Variants in VPS18 observed in about 807,000 individuals in gnomAD.
VPS18 encodes the protein vacuolar protein sorting-associated protein 18 homolog.
VPS18 carries 25 observed loss-of-function variants against 82.0 expected under a neutral mutation model. The ratio of observed to expected loss-of-function variants is 0.30; its 90% CI spans 0.22 to 0.43. The LOEUF is 0.43. Among genes scored for constraint, VPS18 ranks in the 20% least tolerant of loss-of-function variants. VPS18 has a pLI of 1.00. For synonymous variants in VPS18, 523 were observed against 543.0 expected, an observed-to-expected ratio of 0.96 and a Z score of 0.51; for missense variants, 1,168 against 1,311.1, an observed-to-expected ratio of 0.89 and a Z score of 1.69.
At position 40,903,570 on chromosome 15, in the gene VPS18, T is replaced by A; in HGVS notation, c.*229T>A. On this transcript the variant is annotated 3_prime_UTR_variant, in exon 5 of 5. Transcript: ENST00000220509. Reference sequence around the variant, plus strand: ...AGTTATGCCAGACCATCAGCCTGCCTCCCAGTAGAGGCCCTTCACCTGGAG... The same window carrying A: ...AGTTATGCCAGACCATCAGCCTGCCACCCAGTAGAGGCCCTTCACCTGGAG... 1 of 531,170 alleles carries A rather than the reference T, an allele frequency of 1.9e-6. No individual in the cohort carries two copies. Among genetic ancestry groups the A allele is most frequent in the Non-Finnish European group, 3.0e-6 (1 of 332,854 alleles). The allele number at this position is 531,170 out of a possible 1,614,324, so 32.9% of individuals were successfully genotyped here.
rs1892322960 is a variant in VPS18 at position 40,900,165 on chromosome 15, C to A, written c.1347C>A (p.Thr449=). ...YLESARCYAL[T]QSYFEEIALK... is the part of the protein sequence containing the mutation. ...AGAGCGCACGCTGCTATGCCCTGACCCAGAGCTACTTTGAGGAGATTGCCC... is the reference window on the plus strand; with the variant it reads ...AGAGCGCACGCTGCTATGCCCTGACACAGAGCTACTTTGAGGAGATTGCCC... Residue 449 remains threonine, a synonymous_variant, in exon 4 of 5, where the codon ACC becomes ACA. Transcript: ENST00000220509. This position sits in a 1 kb window ranked among gnomAD's most constrained non-coding sequence, Gnocchi z 5.4. 3 of 1,613,852 alleles carry A rather than the reference C, an allele frequency of 1.9e-6. No individual in the cohort carries two copies. The East Asian group carries it at 6.7e-5, about 36-fold the overall frequency.
chr15:40,902,880 C>G lies in VPS18; in HGVS notation c.2461C>G (p.Arg821Gly), dbSNP rs746735328. 6.2e-7 allele frequency: 1 copy of G among 1,614,136 alleles called. No individual in the cohort carries two copies. Among genetic ancestry groups the G allele is most frequent in the Non-Finnish European group, 8.5e-7 (1 of 1,180,058 alleles). ...CAACCACCACATCCAGGAGCTGCAG[C>G]GGGAGATGGAAGAGGCTACAGCCAG... ...AYNHHIQELQ[R>G]EMEEATASAQ... Residue 821 changes from arginine (R) to glycine (G), a missense_variant, in exon 5 of 5, where the codon CGG (arginine) becomes GGG (glycine). By Grantham distance (125) the Arg-to-Gly change is moderately radical. Coordinates refer to ENST00000220509, the MANE Select transcript of VPS18 (RefSeq NM_020857.3). The surrounding 1 kb of genome is among the most constrained non-coding windows in gnomAD (Gnocchi z 4.2).
rs756968715 is a variant in VPS18 at position 40,899,747 on chromosome 15, G to T, written c.929G>T (p.Arg310Leu). The T allele has an allele frequency of 6.2e-7, 1 of 1,613,676 alleles. No individual in the cohort carries two copies. ...CCTGACTCTCTGCTGAGCGAGGAGCGAGTCTGGGAGTACCCAGAGGGGGTA... is the reference window on the plus strand; with the variant it reads ...CCTGACTCTCTGCTGAGCGAGGAGCTAGTCTGGGAGTACCCAGAGGGGGTA... ...GRPDSLLSEE[R>L]VWEYPEGVGP... The change falls in exon 4 of 5, where the codon CGA becomes CTA. Residue 310 changes from arginine (R) to leucine (L), a missense_variant. Transcript: ENST00000220509. The surrounding 1 kb of genome is among the most constrained non-coding windows in gnomAD (Gnocchi z 4.4).
chr15:40,899,705 C>T lies in VPS18; in HGVS notation c.887C>T (p.Ala296Val). The stretch of plus-strand genomic sequence containing the variant: ...ATGGGGGATGGTGTGTTGTATGGGG[C>T]ATTGGACTGTGGGCGCCCTGACTCT... Reference protein sequence around the residue: ...WMMGDGVLYGALDCGRPDSLL... With the variant: ...WMMGDGVLYGVLDCGRPDSLL... The change falls in exon 4 of 5, where the codon GCA becomes GTA. Residue 296 changes from alanine (A) to valine (V), a missense_variant. Coordinates refer to ENST00000220509, the MANE Select transcript of VPS18 (RefSeq NM_020857.3). The surrounding 1 kb of genome is among the most constrained non-coding windows in gnomAD (Gnocchi z 4.4). 6.2e-7 allele frequency: 1 copy of T among 1,613,974 alleles called. No homozygotes were observed. Among genetic ancestry groups the T allele is most frequent in the Non-Finnish European group, 8.5e-7 (1 of 1,180,032 alleles).
chr15:40,900,488 T>C lies in VPS18; in HGVS notation c.1670T>C (p.Val557Ala), dbSNP rs201884171. 6.2e-7 allele frequency: 1 copy of C among 1,614,060 alleles called. No homozygotes were observed. Among genetic ancestry groups the C allele is most frequent in the East Asian group, 2.2e-5 (1 of 44,870 alleles). The change falls in exon 4 of 5, where the codon GTG becomes GCG. Residue 557 changes from valine (V) to alanine (A), a missense_variant. Val to Ala is a moderately conservative substitution (Grantham distance 64). Coordinates refer to ENST00000220509, the MANE Select transcript of VPS18 (RefSeq NM_020857.3). The surrounding 1 kb of genome is among the most constrained non-coding windows in gnomAD (Gnocchi z 5.4). ...LASHGDTEHMVYFAVIMQDYE... is the reference protein window; with the variant it reads ...LASHGDTEHMAYFAVIMQDYE... ...AGTCATGGGGACACAGAACACATGG[T>C]GTACTTTGCAGTGATCATGCAGGAC...
rs1336076331 is a variant in VPS18 at position 40,903,359 on chromosome 15, TGGG to T, written c.*22_*24del. On this transcript the variant is annotated 3_prime_UTR_variant, in exon 5 of 5. Transcript: ENST00000220509. ...GGCTGTAGGAGGGTGTCACCTTTGA[TGGG>T]GGGTGGGCAATGGGGAGCAGTGGCT... 4 of 1,520,974 alleles carry T rather than the reference TGGG, an allele frequency of 2.6e-6. No homozygotes were observed. Among genetic ancestry groups the T allele is most frequent in the Non-Finnish European group, 2.6e-6 (3 of 1,134,790 alleles). 94.2% of individuals were successfully genotyped at this position (1,520,974 alleles called of 1,614,324 possible).
rs372407841 is a variant in VPS18 at position 40,899,467 on chromosome 15, C to T, written c.649C>T (p.Arg217Cys). The T allele has an allele frequency of 9.9e-6, 16 of 1,610,254 alleles. No homozygotes were observed. The highest frequency in any genetic ancestry group is 2.2e-5 in the East Asian group (1 of 44,822). Residue 217 changes from arginine to cysteine, a missense_variant, in exon 4 of 5, where the codon CGT becomes TGT. By Grantham distance (180) the Arg-to-Cys change is radical. Coordinates refer to ENST00000220509, the MANE Select transcript of VPS18 (RefSeq NM_020857.3). The surrounding 1 kb of genome is among the most constrained non-coding windows in gnomAD (Gnocchi z 4.4). ...TGAGGCCGAGCGGGGCCCTGATGGG[C>T]GTAGCTTTGTTATTGCCACCACTCG... is the stretch of plus-strand genomic sequence containing the variant. ...SLEAERGPDG[R>C]SFVIATTRQR...
chr15:40,903,280 C>G lies in VPS18; in HGVS notation c.2861C>G (p.Ser954Cys). Reference protein sequence around the residue: ...CVYCGELMIRSIDRPFIDPQR... With the variant: ...CVYCGELMIRCIDRPFIDPQR... ...TACTGTGGGGAGCTGATGATCCGCTCTATCGACCGGCCGTTCATCGACCCC... is the reference window on the plus strand; with the variant it reads ...TACTGTGGGGAGCTGATGATCCGCTGTATCGACCGGCCGTTCATCGACCCC... Residue 954 changes from serine to cysteine, a missense_variant, in exon 5 of 5, where the codon TCT (serine) becomes TGT (cysteine). Ser to Cys is a moderately radical substitution (Grantham distance 112). Transcript: ENST00000220509. 1 of 1,579,740 alleles carries G rather than the reference C, an allele frequency of 6.3e-7. No individual in the cohort carries two copies. Among genetic ancestry groups the G allele is most frequent in the Non-Finnish European group, 8.6e-7 (1 of 1,163,070 alleles).
At position 40,898,688 on chromosome 15, in the gene VPS18, G is replaced by T. The variant is rs536426065; in HGVS notation, c.234-219G>T. On this transcript the variant is annotated intron_variant, in intron 2 of 4. Transcript: ENST00000220509. Reference sequence around the variant, plus strand: ...GGATTTCGCCATGTTGCCCAGTCTGGTCTCAAACTCCTGAGCTCAAGCAAT... The same window carrying T: ...GGATTTCGCCATGTTGCCCAGTCTGTTCTCAAACTCCTGAGCTCAAGCAAT... The T allele has an allele frequency of 3.1e-4, 180 of 590,152 alleles. 1 individual carries two copies. Among genetic ancestry groups the T allele is most frequent in the Non-Finnish European group, 5.0e-4 (163 of 328,098 alleles). The allele number at this position is 590,152 out of a possible 1,614,324, so 36.6% of individuals were successfully genotyped here. A position where few individuals can be genotyped will look rare whatever the true frequency, so the allele number is the denominator to read the frequency against.
rs369603650 is a variant in VPS18, at chr15:40,900,323, G to T, written c.1505G>T (p.Arg502Leu). ...TGGCTGACAGAGCTCTACCTGAGCC[G>T]GCTTGGGGCTCTGCAGGGCGACCCA... Reference protein sequence around the residue: ...TTWLTELYLSRLGALQGDPEA... With the variant: ...TTWLTELYLSLLGALQGDPEA... Residue 502 changes from arginine to leucine, a missense_variant, in exon 4 of 5, where the codon CGG (arginine) becomes CTG (leucine). Arg to Leu is a moderately radical substitution (Grantham distance 102). Transcript: ENST00000220509. The surrounding 1 kb of genome is among the most constrained non-coding windows in gnomAD (Gnocchi z 5.4). 5 of 1,613,672 alleles carry T rather than the reference G, an allele frequency of 3.1e-6. No homozygotes were observed. The highest frequency in any genetic ancestry group is 4.2e-6 in the Non-Finnish European group (5 of 1,180,004).
At position 40,900,402 on chromosome 15, in the gene VPS18, CAGCCCCCGCCACAAAGAGTGGCTCT is replaced by C; in HGVS notation, c.1585_1609del (p.Ser529LeufsTer25). 1 of 1,613,754 alleles carries C rather than the reference CAGCCCCCGCCACAAAGAGTGGCTCT, an allele frequency of 6.2e-7. No individual in the cohort carries two copies. The highest frequency in any genetic ancestry group is 8.5e-7 in the Non-Finnish European group (1 of 1,179,988). The stretch of plus-strand genomic sequence containing the variant: ...AGGAATGCTTTCGAACCTTCCTCAG[CAGCCCCCGCCACAAAGAGTGGCTCT>C]TTGCCAGCCGGGCCTCTATCCATGA... On this transcript the variant is annotated frameshift_variant, in exon 4 of 5. Transcript: ENST00000220509. LOFTEE classifies it high-confidence loss of function. This position sits in a 1 kb window ranked among gnomAD's most constrained non-coding sequence, Gnocchi z 5.4.
At chr15:40,896,811 CAAAAAAAAAAAAAGGAAAAGGA>C (rs1892238088) in intron 2 of VPS18, among the ~76,000 whole-genome samples, 2 of 79,862 alleles carry the variant, frequency 2.5e-5, no homozygotes, top group African/African-American at 6.1e-5. Context: ...GACTCCATCT[CAAAAAAAAAAAAAGGAAAAGGA>C]AAAAAAAAAA....
In VPS18 at chr15:40,902,212, A is replaced by T. The variant is rs1014254696; in HGVS notation, c.2197-404A>T. Among the ~76,000 whole-genome samples the T allele has an allele frequency of 3.8e-4, 58 of 151,014 alleles. No homozygotes were observed. The highest frequency in any genetic ancestry group is 3.4e-3 in the Middle Eastern group (1 of 294). On this transcript the variant is annotated intron_variant, in intron 4 of 4. Coordinates refer to ENST00000220509, the MANE Select transcript of VPS18 (RefSeq NM_020857.3). The surrounding 1 kb of genome is among the most constrained non-coding windows in gnomAD (Gnocchi z 4.2). ...ACTGCAAGCTCAGCCTCCCAGGTTC[A>T]CGCCATTCTCCTGGCTCAGCCTCCC...
At position 40,900,100 on chromosome 15, in the gene VPS18, C is replaced by T. The variant is rs369670077; in HGVS notation, c.1282C>T (p.Arg428Trp). ...CGACTGCCTGGACACGGTCCTGGCC[C>T]GGGAGGCCGATTTCTGCTTTCGCCA... Reference protein sequence around the residue: ...RPDCLDTVLAREADFCFRQRR... With the variant: ...RPDCLDTVLAWEADFCFRQRR... The change falls in exon 4 of 5, where the codon CGG becomes TGG. Residue 428 changes from arginine (R) to tryptophan (W), a missense_variant. Coordinates refer to ENST00000220509, the MANE Select transcript of VPS18 (RefSeq NM_020857.3). This position sits in a 1 kb window ranked among gnomAD's most constrained non-coding sequence, Gnocchi z 5.4. 26 of 1,613,718 alleles carry T rather than the reference C, an allele frequency of 1.6e-5. No homozygotes were observed. Among genetic ancestry groups the T allele is most frequent in the East Asian group, 2.2e-5 (1 of 44,888 alleles).
chr15:40,898,473 CTT>C (rs1354455179), intron 2 of VPS18, among the ~76,000 whole-genome samples: 34 of 136,560 alleles, frequency 2.5e-4, no homozygotes, highest in Admixed American at 3.0e-4. Flanking sequence ...TCAGCAATTT[CTT>C]TTTTTTTTTT....
Position 40,900,557 on chromosome 15 carries a change from A to G in VPS18, c.1739A>G (p.Glu580Gly). The change falls in exon 4 of 5, where the codon GAG becomes GGG. Residue 580 changes from glutamate (E) to glycine (G), a missense_variant. Physicochemically the swap from Glu to Gly is moderately conservative, Grantham distance 98 (BLOSUM62 -2). Coordinates refer to ENST00000220509, the MANE Select transcript of VPS18 (RefSeq NM_020857.3). The surrounding 1 kb of genome is among the most constrained non-coding windows in gnomAD (Gnocchi z 5.4). ...TACCACTGTCAGCACGAGGCCTACG[A>G]GGAGGCCCTGGCCGTGCTCGCCCGC... ...VAYHCQHEAY[E>G]EALAVLARHR... is the part of the protein sequence containing the mutation. 1 of 1,613,954 alleles carries G rather than the reference A, an allele frequency of 6.2e-7. No individual in the cohort carries two copies. Among genetic ancestry groups the G allele is most frequent in the Non-Finnish European group, 8.5e-7 (1 of 1,180,008 alleles).
chr15:40,895,600 G>T (rs189208080), intron 1 of VPS18, among the ~76,000 whole-genome samples: 34 of 152,220 alleles, frequency 2.2e-4, no homozygotes, highest in South Asian at 1.7e-3. Context: ...GGGATTGCTG[G>T]GCCAAAGACC....
At chr15:40,897,200 C>T (rs910744339) in intron 2 of VPS18, among the ~76,000 whole-genome samples, 9 of 151,508 alleles carry the variant, frequency 5.9e-5, no homozygotes, top group African/African-American at 2.2e-4. Context: ...GAGGCTGAGG[C>T]AGGAGAATGG....
intron 4 of VPS18, among the ~76,000 whole-genome samples, chr15:40,901,295 C>A (rs2142039463): frequency 1.3e-5 from 2 of 152,344 alleles, no homozygotes; most frequent in South Asian, 4.1e-4. Flanking sequence ...TGATAAAGTT[C>A]TGTGTATGAA....
Sources: gnomAD v4.1 joint callset for allele counts (sites outside exome capture counted in the v4.1 genomes callset) on GRCh38, gnomAD v4.1.1 for gene constraint, Gnocchi (gnomAD v3.1) non-coding constraint, MANE v1.5 for transcripts, NCBI Gene and HGNC (gene_info 2026-07-23, HGNC 2026-07-21) for gene names.